Variants in SPNS3 observed in about 807,000 individuals in gnomAD.
SPNS3 encodes the protein protein spinster homolog 3.
SPNS3 carries 51 observed loss-of-function variants against 54.4 expected under a neutral mutation model. The observed-to-expected ratio is 0.94, with a 90% confidence interval of 0.75 to 1.18. The LOEUF (loss-of-function observed/expected upper bound fraction) is 1.18. SPNS3 is among the 50% of genes most tolerant of loss of function. The pLI, the probability that SPNS3 is intolerant of heterozygous loss-of-function variation, is 0.00. For synonymous variants in SPNS3, 309 were observed against 294.7 expected, an observed-to-expected ratio of 1.05 and a Z score of -0.50; for missense variants, 669 against 677.4, an observed-to-expected ratio of 0.99 and a Z score of 0.14.
intron 1 of SPNS3, among the ~76,000 whole-genome samples, chr17:4,437,873 G>A (rs1242179597): frequency 4.0e-5 from 6 of 149,566 alleles, no homozygotes; most frequent in African/African-American, 1.2e-4. Context: ...TGCAACCTCC[G>A]CCTCCCAGGT....
intron 7 of SPNS3, among the ~76,000 whole-genome samples, chr17:4,449,885 C>T (rs76173095): frequency 0.029 from 4,402 of 152,224 alleles, 216 homozygotes; most frequent in African/African-American, 0.1. Context: ...CCTCAGGGCA[C>T]GCCCTCTCCC....
chr17:4,448,253 G>T lies in SPNS3; in HGVS notation c.720G>T (p.Val240=). The change falls in exon 6 of 12, where the codon GTG becomes GTT. Residue 240 remains valine, a synonymous_variant. Coordinates refer to ENST00000355530, the MANE Select transcript of SPNS3 (RefSeq NM_182538.5). ...CCGAGACACAGGGGGAGGGGGCCGT[G>T]GGAGGCTTCAGGAGCAGCTGGTGTG... ...GAAETQGEGA[V]GGFRSSWCED... 1 of 1,599,204 alleles carries T rather than the reference G, an allele frequency of 6.3e-7. No homozygotes were observed. Among genetic ancestry groups the T allele is most frequent in the Non-Finnish European group, 8.5e-7 (1 of 1,173,596 alleles).
intron 7 of SPNS3, among the ~76,000 whole-genome samples, chr17:4,452,199 C>T (rs999925738): frequency 6.6e-6 from 1 of 151,834 alleles, no homozygotes; most frequent in South Asian, 2.1e-4. Flanking sequence ...TGAGCTCAAG[C>T]GATCCTCCCG....
intron 8 of SPNS3, among the ~76,000 whole-genome samples, chr17:4,458,408 A>C (rs1258355765): frequency 8.4e-4 from 51 of 60,712 alleles, no homozygotes; most frequent in African/African-American, 1.3e-3. Context: ...CTTTCTTTCC[A>C]TTTTCTTTTT....
In SPNS3 at chr17:4,446,876, C is replaced by T; in HGVS notation, c.555-20C>T. Reference sequence around the variant, plus strand: ...GCCTCCCTCCCCTCACAGCCCATCGCCCCTGCCCCTTTGTTGCAGTGGTCT... The same window carrying T: ...GCCTCCCTCCCCTCACAGCCCATCGTCCCTGCCCCTTTGTTGCAGTGGTCT... On this transcript the variant is annotated intron_variant, in intron 4 of 11. Coordinates refer to ENST00000355530, the MANE Select transcript of SPNS3 (RefSeq NM_182538.5). The T allele has an allele frequency of 3.7e-6, 6 of 1,613,294 alleles. No homozygotes were observed. Among genetic ancestry groups the T allele is most frequent in the South Asian group, 3.3e-5 (3 of 91,068 alleles).
chr17:4,458,062 G>A (rs1017323448), intron 8 of SPNS3, among the ~76,000 whole-genome samples: 36 of 148,692 alleles, frequency 2.4e-4, no homozygotes, highest in African/African-American at 8.2e-4. Flanking sequence ...CGGATGTTCT[G>A]ACCTGAGATT....
intron 8 of SPNS3, among the ~76,000 whole-genome samples, chr17:4,468,507 C>T (rs576001915): frequency 4.6e-5 from 7 of 151,192 alleles, no homozygotes; most frequent in Admixed American, 2.0e-4. Context: ...GAGTCCAGGG[C>T]GGCTCCAAGG....
At chr17:4,456,712 G>GTT (rs77582870) in intron 8 of SPNS3, among the ~76,000 whole-genome samples, 7 of 147,908 alleles carry the variant, frequency 4.7e-5, no homozygotes, top group African/African-American at 1.2e-4. Context: ...TTGTTTTTGT[G>GTT]TTTTTTTTGG....
chr17:4,444,906 C>T (rs1367172095), intron 2 of SPNS3, 126 bp from the exon 3 acceptor site: 1 of 1,146,534 alleles, frequency 8.7e-7, no homozygotes, highest in Non-Finnish European at 1.3e-6. Flanking sequence ...CTTCCTCATA[C>T]CCTGGGCCCA....
At chr17:4,481,437 G>T (rs1323177302) in intron 9 of SPNS3, among the ~76,000 whole-genome samples, 5 of 152,134 alleles carry the variant, frequency 3.3e-5, no homozygotes, top group Admixed American at 1.3e-4. Context: ...AGGCCTTAGG[G>T]TGTGTGTGAA....
At chr17:4,448,050 A>C (rs6502785) in intron 5 of SPNS3, 105 bp from the exon 6 acceptor site, 1,016,686 of 1,182,872 alleles carry the variant, frequency 0.86, 445,110 homozygotes, top group Non-Finnish European at 0.89. Flanking sequence ...AGGGCTTGGA[A>C]ACCAGAGGTC....
chr17:4,479,663 G>A (rs561932655), intron 9 of SPNS3, among the ~76,000 whole-genome samples: 2 of 152,366 alleles, frequency 1.3e-5, no homozygotes, highest in African/African-American at 4.8e-5. Flanking sequence ...CAAGGGAAAT[G>A]GACCAGACTG....
At chr17:4,440,144 G>C (rs1970812646) in intron 2 of SPNS3, among the ~76,000 whole-genome samples, 1 of 152,122 alleles carries the variant, frequency 6.6e-6, no homozygotes, top group South Asian at 2.1e-4. Flanking sequence ...ACACAGACAG[G>C]CACATCCCCC....
chr17:4,482,165 T>C (rs2326062), intron 9 of SPNS3: 38,166 of 152,250 alleles, frequency 0.25, 5,098 homozygotes, highest in East Asian at 0.39. Context: ...GGATTATAGG[T>C]GTGAGCCACT....
intron 8 of SPNS3, among the ~76,000 whole-genome samples, chr17:4,475,498 G>T (rs1263622488): frequency 6.6e-6 from 1 of 152,218 alleles, no homozygotes; most frequent in Non-Finnish European, 1.5e-5. Context: ...GGTGAGGAAG[G>T]CATGTAGGGA....
rs139556306 is a variant in SPNS3 at position 4,457,631 on chromosome 17, G to T, written c.1113+4426G>T. On this transcript the variant is annotated intron_variant, in intron 8 of 11. Transcript: ENST00000355530. ...GGCAGATGGAGGCCCCATCAAAGCT[G>T]TCCCTGTACCAGCCAGCTGGGGCTG... Among the ~76,000 whole-genome samples the T allele has an allele frequency of 1.0e-3, 159 of 152,308 alleles. 1 individual carries two copies. The highest frequency in any genetic ancestry group is 3.4e-3 in the Middle Eastern group (1 of 294).
chr17:4,451,159 G>T (rs950671429), intron 7 of SPNS3, among the ~76,000 whole-genome samples: 8 of 152,154 alleles, frequency 5.3e-5, no homozygotes, highest in African/African-American at 1.9e-4. Context: ...GCATACATCC[G>T]GGATTTGGGT....
At position 4,478,573 on chromosome 17, in the gene SPNS3, T is replaced by C; in HGVS notation, c.1115T>C (p.Val372Ala). 6.4e-7 allele frequency: 1 copy of C among 1,572,874 alleles called. No individual in the cohort carries two copies. Among genetic ancestry groups the C allele is most frequent in the Non-Finnish European group, 8.6e-7 (1 of 1,158,308 alleles). Residue 372 changes from valine to alanine, a missense_variant and splice_region_variant, in exon 9 of 12, where the codon GTG becomes GCG. By Grantham distance (64) the Val-to-Ala change is moderately conservative. Transcript: ENST00000355530. ...LAPTTLLASYVFLGLGELLLS... is the reference protein window; with the variant it reads ...LAPTTLLASYAFLGLGELLLS... ...ACCCAGGCCACCCTCTGTCCACAGG[T>C]GTTCCTGGGCCTTGGGGAGCTGCTT...
chr17:4,444,921 C>G (rs1970942039), intron 2 of SPNS3, 111 bp from the exon 3 acceptor site: 3 of 1,333,332 alleles, frequency 2.3e-6, no homozygotes, highest in Non-Finnish European at 3.1e-6. Context: ...GGCCCACTGC[C>G]AAGATGCCAG....
Sources: allele counts gnomAD v4.1 joint callset (sites outside exome capture counted in the v4.1 genomes callset), GRCh38; gene constraint gnomAD v4.1.1; transcripts MANE v1.5; gene names NCBI Gene and HGNC (gene_info 2026-07-23, HGNC 2026-07-21).